Variants in SLC44A5 observed in about 807,000 individuals in gnomAD.
The protein encoded by SLC44A5 is solute carrier family 44 member 5, also known as choline transporter-like protein 5.
Under a neutral mutation model 101.8 loss-of-function variants are expected in SLC44A5, and 57 were observed. The ratio of observed to expected loss-of-function variants is 0.56; its 90% CI spans 0.45 to 0.70. The LOEUF is 0.70. SLC44A5 is among the 30% of genes least tolerant of loss of function. SLC44A5 has a pLI of 0.00. For missense variants in SLC44A5, 737 were observed against 853.1 expected (o/e 0.86, Z 1.70); for synonymous variants, 281 against 290.9 (o/e 0.97, Z 0.35).
chr1:75,239,801 A>G lies in SLC44A5; in HGVS notation c.533-1165T>C, dbSNP rs180686079. On this transcript the variant is annotated intron_variant, in intron 9 of 23. Coordinates refer to ENST00000370859, the MANE Select transcript of SLC44A5 (RefSeq NM_001130058.2). The stretch of plus-strand genomic sequence containing the variant: ...TTTAGTCTTCATCCTGCTTAAACCC[A>G]TTACCTAGCACAAGGCTTGGCACAC... Among the ~76,000 whole-genome samples the G allele has an allele frequency of 3.9e-5, 6 of 152,170 alleles. No homozygotes were observed. In the South Asian group the frequency reaches 6.2e-4, roughly 16 times the overall value.
At position 75,203,696 on chromosome 1, in the gene SLC44A5, C is replaced by T. The variant is rs1438859236; in HGVS notation, c.*31G>A. 1 of 1,533,646 alleles carries T rather than the reference C, an allele frequency of 6.5e-7. No individual in the cohort carries two copies. Among genetic ancestry groups the T allele is most frequent in the South Asian group, 1.2e-5 (1 of 80,958 alleles). On this transcript the variant is annotated 3_prime_UTR_variant, in exon 24 of 24. Transcript: ENST00000370859. ...GACACAGCAGATGGAGAAAAGGTAA[C>T]ACACAGCTGTAGGACGACCAGTTTG...
intron 5 of SLC44A5, among the ~76,000 whole-genome samples, chr1:75,275,683 G>C (rs75204147): frequency 6.6e-6 from 1 of 152,046 alleles, no homozygotes; most frequent in African/African-American, 2.4e-5. Flanking sequence ...TGAAGACAAT[G>C]GGCTCAAACA....
chr1:75,439,311 T>C (rs1665061696), intron 2 of SLC44A5, among the ~76,000 whole-genome samples: 1 of 152,182 alleles, frequency 6.6e-6, no homozygotes, highest in Non-Finnish European at 1.5e-5. Flanking sequence ...AATAAATTTC[T>C]GTTTATATAA....
intron 1 of SLC44A5, among the ~76,000 whole-genome samples, chr1:75,609,637 A>C (rs1051531034): frequency 6.6e-6 from 1 of 152,038 alleles, no homozygotes; most frequent in African/African-American, 2.4e-5. Context: ...ATCAGTACTC[A>C]AAAAAGCAGA....
At position 75,319,004 on chromosome 1, in the gene SLC44A5, T is replaced by C. The variant is rs796321333; in HGVS notation, c.102-18319A>G. Among the ~76,000 whole-genome samples the C allele has an allele frequency of 2.6e-5, 4 of 152,200 alleles. 1 individual carries two copies. Among genetic ancestry groups the C allele is most frequent in the African/African-American group, 9.6e-5 (4 of 41,528 alleles). On this transcript the variant is annotated intron_variant, in intron 4 of 23. Transcript: ENST00000370859. ...CAAGGCCTTTCTGGATCTGCAAATA[T>C]GTAAATCTTCAGAGATATGTGCTTA...
chr1:75,447,527 T>C (rs2101648968), intron 2 of SLC44A5, among the ~76,000 whole-genome samples: 1 of 152,298 alleles, frequency 6.6e-6, no homozygotes, highest in East Asian at 1.9e-4. Context: ...CTGCATTTGA[T>C]GGCTGTTTTA....
At chr1:75,711,721 G>A in the SLC44A5 span, among the ~76,000 whole-genome samples, 2 of 152,266 alleles carry the variant, frequency 1.3e-5, no homozygotes, top group East Asian at 3.9e-4. Flanking sequence ...GTGGGGGTAC[G>A]GTGATGTGTT....
chr1:75,262,256 T>C (rs1190304859), intron 6 of SLC44A5, among the ~76,000 whole-genome samples: 1 of 152,184 alleles, frequency 6.6e-6, no homozygotes, highest in African/African-American at 2.4e-5. Flanking sequence ...CAGCCCCAAA[T>C]CTTCTTAAGC....
chr1:75,631,032 G>A, the SLC44A5 span, among the ~76,000 whole-genome samples: 1 of 152,190 alleles, frequency 6.6e-6, no homozygotes, highest in African/African-American at 2.4e-5. Context: ...TGTCTATTTA[G>A]GGTATTTGTA....
chr1:75,506,438 T>C (rs942908367), intron 2 of SLC44A5, among the ~76,000 whole-genome samples: 2 of 152,150 alleles, frequency 1.3e-5, no homozygotes, highest in Admixed American at 6.5e-5. Context: ...TTGCTTTGGG[T>C]AGTATTGCTA....
At chr1:75,444,575 G>T (rs906649368) in intron 2 of SLC44A5, among the ~76,000 whole-genome samples, 6 of 151,224 alleles carry the variant, frequency 4.0e-5, no homozygotes, top group African/African-American at 1.5e-4. Flanking sequence ...TGTTATTTTT[G>T]CTTTGTTTTT....
intron 12 of SLC44A5, among the ~76,000 whole-genome samples, chr1:75,231,299 A>G (rs1021997159): frequency 6.6e-6 from 1 of 152,112 alleles, no homozygotes; most frequent in African/African-American, 2.4e-5. Flanking sequence ...ATTTTAGCTC[A>G]TGAGTTATTT....
At chr1:75,471,581 C>G (rs531013686) in intron 2 of SLC44A5, among the ~76,000 whole-genome samples, 11 of 152,050 alleles carry the variant, frequency 7.2e-5, no homozygotes, top group Non-Finnish European at 1.3e-4. Context: ...CAAGAGAATG[C>G]GGGCAGAGCT....
chr1:75,697,711 G>A, the SLC44A5 span, among the ~76,000 whole-genome samples: 815 of 152,290 alleles, frequency 5.4e-3, 8 homozygotes, highest in African/African-American at 0.019. Flanking sequence ...CGCAGAAGAC[G>A]GGCGATTTCT....
chr1:75,460,664 C>G (rs1010365952), intron 2 of SLC44A5, among the ~76,000 whole-genome samples: 1 of 152,094 alleles, frequency 6.6e-6, no homozygotes, highest in Non-Finnish European at 1.5e-5. Context: ...GACTAAAACT[C>G]AACATTCAAG....
intron 1 of SLC44A5, among the ~76,000 whole-genome samples, chr1:75,586,879 C>T (rs558514891): frequency 6.7e-6 from 1 of 149,738 alleles, no homozygotes; most frequent in East Asian, 2.0e-4. Flanking sequence ...AATTACTCCA[C>T]TCAATTTGGA....
chr1:75,221,928 G>GAAA (rs1647089646), intron 14 of SLC44A5, among the ~76,000 whole-genome samples: 1 of 151,086 alleles, frequency 6.6e-6, no homozygotes, highest in Non-Finnish European at 1.5e-5. Context: ...TTTCCTGAAT[G>GAAA]GAAGATGCTT....
At chr1:75,374,488 G>T (rs1001311979) in intron 3 of SLC44A5, among the ~76,000 whole-genome samples, 1 of 152,170 alleles carries the variant, frequency 6.6e-6, no homozygotes, top group African/African-American at 2.4e-5. Flanking sequence ...AAATGCAGGC[G>T]TGATGCCAGT....
chr1:75,345,602 T>C (rs1435823242), intron 3 of SLC44A5, among the ~76,000 whole-genome samples: 2 of 152,150 alleles, frequency 1.3e-5, no homozygotes, highest in Non-Finnish European at 1.5e-5. Context: ...GTGACTAAGC[T>C]GGGTGTGATG....
Sources: allele counts gnomAD v4.1 joint callset (sites outside exome capture counted in the v4.1 genomes callset), GRCh38; gene constraint gnomAD v4.1.1; transcripts MANE v1.5; gene names NCBI Gene and HGNC (gene_info 2026-07-23, HGNC 2026-07-21).